Variants in RXYLT1 observed in about 807,000 individuals in gnomAD.
RXYLT1 encodes ribitol xylosyltransferase 1, also known as ribitol-5-phosphate xylosyltransferase 1.
In RXYLT1, 41 loss-of-function variants were observed where a neutral mutation model predicts 43.5. The ratio of observed to expected loss-of-function variants is 0.94; its 90% CI spans 0.73 to 1.22. RXYLT1 has a LOEUF of 1.22. RXYLT1 is among the 50% of genes most tolerant of loss of function. RXYLT1 has a pLI of 0.00. For synonymous variants in RXYLT1, 166 were observed against 194.4 expected, an observed-to-expected ratio of 0.85 and a Z score of 1.21; for missense variants, 514 against 532.0, an observed-to-expected ratio of 0.97 and a Z score of 0.33.
intron 3 of RXYLT1, among the ~76,000 whole-genome samples, chr12:63,786,065 T>G (rs1389984308): frequency 6.6e-6 from 1 of 152,200 alleles, no homozygotes; most frequent in Non-Finnish European, 1.5e-5. Flanking sequence ...AGAGCTTAAA[T>G]AGACTTACAA....
intron 3 of RXYLT1, among the ~76,000 whole-genome samples, chr12:63,799,681 C>T (rs1370514763): frequency 6.6e-6 from 1 of 152,054 alleles, no homozygotes; most frequent in African/African-American, 2.4e-5. Context: ...CATTTCCTAT[C>T]TAGTGTCAGC....
At chr12:63,795,250 C>A (rs538305596) in intron 3 of RXYLT1, among the ~76,000 whole-genome samples, 2 of 150,340 alleles carry the variant, frequency 1.3e-5, no homozygotes, top group Non-Finnish European at 3.0e-5. Flanking sequence ...GACTGCATTC[C>A]TGCCTGGGCG....
At chr12:63,786,522 A>T (rs756835388) in intron 3 of RXYLT1, among the ~76,000 whole-genome samples, 6 of 152,100 alleles carry the variant, frequency 3.9e-5, no homozygotes, top group Admixed American at 2.0e-4. Context: ...AAAAAAAAAA[A>T]ATACGTACCT....
intron 3 of RXYLT1, among the ~76,000 whole-genome samples, chr12:63,791,465 T>TAGAATA (rs1897918412): frequency 6.6e-6 from 1 of 152,222 alleles, no homozygotes; most frequent in Non-Finnish European, 1.5e-5. Context: ...AAGATCATGA[T>TAGAATA]AGAATAAAAC....
At chr12:63,781,246 TTAATA>T in intron 2 of RXYLT1, 72 bp downstream of exon 2, 1 of 1,299,890 alleles carries the variant, frequency 7.7e-7, no homozygotes, top group Non-Finnish European at 1.0e-6. Flanking sequence ...GAAATTCATT[TTAATA>T]TAATTTATTT....
At chr12:63,803,142 C>T (rs1898202350) in intron 4 of RXYLT1, among the ~76,000 whole-genome samples, 1 of 121,836 alleles carries the variant, frequency 8.2e-6, no homozygotes, top group South Asian at 2.8e-4. Context: ...TACCACTGCA[C>T]TCTAGCCTGG....
chr12:63,780,257 C>T lies in RXYLT1; in HGVS notation c.169+128C>T, dbSNP rs1186387204. 8 of 1,371,060 alleles carry T rather than the reference C, an allele frequency of 5.8e-6. No homozygotes were observed. In the Admixed American group the frequency reaches 2.7e-4, roughly 46 times the overall value. The allele number at this position is 1,371,060 out of a possible 1,614,324, so 84.9% of individuals were successfully genotyped here. A position where few individuals can be genotyped will look rare whatever the true frequency, so the allele number is the denominator to read the frequency against. ...CCCGCAGGGCCTGAGAAGCGCTTTG[C>T]CCCCTACAGCCTCTCGAGCCAGCCC... is the stretch of plus-strand genomic sequence containing the variant. On this transcript the variant is annotated intron_variant, in intron 1 of 5. Coordinates refer to ENST00000261234, the MANE Select transcript of RXYLT1 (RefSeq NM_014254.3).
At chr12:63,782,247 A>G (rs900343178) in intron 2 of RXYLT1, among the ~76,000 whole-genome samples, 3 of 152,118 alleles carry the variant, frequency 2.0e-5, no homozygotes, top group African/African-American at 4.8e-5. Context: ...ATTCCCATTC[A>G]AAAGGGGAGA....
chr12:63,802,233 C>A lies in RXYLT1; in HGVS notation c.571C>A (p.Gln191Lys). ...LLYAQNLVQI[Q>K]KLQHLAVVLL... ...TTATGCACAAAATTTAGTGCAAATT[C>A]AAAAACTCCAGCATCTTGCTGTTGT... The change falls in exon 4 of 6, where the codon CAA (glutamine) becomes AAA (lysine). Residue 191 changes from glutamine (Q) to lysine (K), a missense_variant. Physicochemically the swap from Gln to Lys is moderately conservative, Grantham distance 53. Transcript: ENST00000261234. 5 of 1,614,102 alleles carry A rather than the reference C, an allele frequency of 3.1e-6. No homozygotes were observed. Among genetic ancestry groups the A allele is most frequent in the South Asian group, 1.1e-5 (1 of 91,074 alleles).
chr12:63,801,995 C>A, intron 3 of RXYLT1, 96 bp from the exon 4 acceptor site: 1 of 1,167,386 alleles, frequency 8.6e-7, no homozygotes, highest in Non-Finnish European at 1.2e-6. Flanking sequence ...GATTAAATCT[C>A]ATTGTAGATT....
chr12:63,793,354 A>T (rs1222067326), intron 3 of RXYLT1, among the ~76,000 whole-genome samples: 1 of 152,060 alleles, frequency 6.6e-6, no homozygotes, highest in Non-Finnish European at 1.5e-5. Context: ...TTTACTACTT[A>T]GTGAATTTTA....
chr12:63,799,302 CTTTTTT>C (rs11312130), intron 3 of RXYLT1, among the ~76,000 whole-genome samples: 9 of 71,626 alleles, frequency 1.3e-4, no homozygotes, highest in African/African-American at 4.6e-4. Context: ...CTTTTCTTTT[CTTTTTT>C]TTTTTTTTTT....
rs2136231602 is a variant in RXYLT1 at position 63,802,095 on chromosome 12, A to G, written c.433A>G (p.Ile145Val). The change falls in exon 4 of 6, where the codon ATC (isoleucine) becomes GTC (valine). Residue 145 changes from isoleucine (I) to valine (V), a missense_variant. By Grantham distance (29) the Ile-to-Val change is conservative. Transcript: ENST00000261234. ...SIVGRTQYSF[I>V]TGPAVIPGYF... is the part of the protein sequence containing the mutation. ...TTGTTGTGTTGTTTTTAACAGCTTC[A>G]TCACTGGTCCAGCTGTAATACCAGG... The G allele has an allele frequency of 6.3e-7, 1 of 1,584,062 alleles. No homozygotes were observed. Among genetic ancestry groups the G allele is most frequent in the Non-Finnish European group, 8.6e-7 (1 of 1,164,710 alleles).
chr12:63,799,674 T>A (rs1388756812), intron 3 of RXYLT1, among the ~76,000 whole-genome samples: 1 of 152,104 alleles, frequency 6.6e-6, no homozygotes, highest in Non-Finnish European at 1.5e-5. Flanking sequence ...TCTGTACCAT[T>A]TCCTATCTAG....
intron 5 of RXYLT1, chr12:63,806,441 C>CTTAT (rs1898293493): frequency 6.6e-6 from 1 of 152,202 alleles, no homozygotes; most frequent in South Asian, 2.1e-4. Context: ...TACATTTATG[C>CTTAT]ACAGGCCTTA....
chr12:63,794,901 T>G (rs1275028285), intron 3 of RXYLT1, among the ~76,000 whole-genome samples: 1 of 152,226 alleles, frequency 6.6e-6, no homozygotes, highest in Non-Finnish European at 1.5e-5. Flanking sequence ...CAAGATCTTA[T>G]GATAACCTCA....
At chr12:63,784,246 T>G (rs1897751439) in intron 2 of RXYLT1, among the ~76,000 whole-genome samples, 1 of 152,178 alleles carries the variant, frequency 6.6e-6, no homozygotes, top group Non-Finnish European at 1.5e-5. Context: ...CGTGGTGGCT[T>G]GCGTTTCCTT....
chr12:63,796,769 C>T (rs979151895), intron 3 of RXYLT1, among the ~76,000 whole-genome samples: 1 of 151,492 alleles, frequency 6.6e-6, no homozygotes, highest in South Asian at 2.1e-4. Flanking sequence ...CATAAAAATC[C>T]CCAGAATCAC....
rs141851122 is a variant in RXYLT1, at chr12:63,783,034, A to G, written c.325+1860A>G. On this transcript the variant is annotated intron_variant, in intron 2 of 5. Coordinates refer to ENST00000261234, the MANE Select transcript of RXYLT1 (RefSeq NM_014254.3). ...CCAGCTAATTATTAAAGTTTATCAC[A>G]AGTTCTGCTTTCCATGTAACTGCAG... Among the ~76,000 whole-genome samples, 91 of 152,270 alleles carry G rather than the reference A, an allele frequency of 6.0e-4. 1 individual carries two copies. The highest frequency in any genetic ancestry group is 1.5e-4 in the Non-Finnish European group (10 of 68,020).
Sources: allele counts gnomAD v4.1 joint callset (sites outside exome capture counted in the v4.1 genomes callset), GRCh38; gene constraint gnomAD v4.1.1; transcripts MANE v1.5; gene names NCBI Gene and HGNC (gene_info 2026-07-23, HGNC 2026-07-21).